Variants in DCK observed in about 807,000 individuals in gnomAD.
DCK encodes deoxyadenosine kinase.
DCK carries 23 observed loss-of-function variants against 38.3 expected under a neutral mutation model. The observed-to-expected ratio is 0.60, with a 90% CI of 0.43 to 0.85. The LOEUF is 0.85. Ranked by LOEUF, DCK falls within the 40% of genes least tolerant of loss-of-function variation. The pLI, the probability that DCK is intolerant of heterozygous loss-of-function variation, is 0.00. For missense variants in DCK, 259 were observed against 304.4 expected, an observed-to-expected ratio of 0.85 and a Z score of 1.11; for synonymous variants, 108 against 100.6, an observed-to-expected ratio of 1.07 and a Z score of -0.44.
At chr4:71,016,723 TAGCCATATGTAGAA>T (rs1740274750) in intron 2 of DCK, among the ~76,000 whole-genome samples, 2 of 152,238 alleles carry the variant, frequency 1.3e-5, no homozygotes, top group Non-Finnish European at 2.9e-5. Context: ...GAAAAATGGC[TAGCCATATGTAGAA>T]AGCTGAAACT....
In DCK at chr4:70,993,997, G is replaced by A. The variant is rs572108629; in HGVS notation, c.91+71G>A. On this transcript the variant is annotated intron_variant, in intron 1 of 6. Coordinates refer to ENST00000286648, the MANE Select transcript of DCK (RefSeq NM_000788.3). The stretch of plus-strand genomic sequence containing the variant: ...GCAGTGGCTGAAGCTTCCCTTCGCC[G>A]CATCTCTCTGCAGCAACTCGGTGAG... 118 of 1,077,906 alleles carry A rather than the reference G, an allele frequency of 1.1e-4. 1 individual carries two copies. The South Asian group carries it at 1.5e-3, about 13-fold the overall frequency. 66.8% of individuals were successfully genotyped at this position (1,077,906 alleles called of 1,614,324 possible). A position where few individuals can be genotyped will look rare whatever the true frequency, so the allele number is the denominator to read the frequency against.
At chr4:71,022,945 T>TA (rs1192234673) in intron 3 of DCK, among the ~76,000 whole-genome samples, 1 of 152,180 alleles carries the variant, frequency 6.6e-6, no homozygotes, top group Non-Finnish European at 1.5e-5. Flanking sequence ...CTACTTATGC[T>TA]AGGATTCTTT....
At chr4:71,020,894 A>G (rs1439341421) in intron 2 of DCK, among the ~76,000 whole-genome samples, 1 of 152,088 alleles carries the variant, frequency 6.6e-6, no homozygotes. Flanking sequence ...CCCCAGATTT[A>G]GAATCAGAAT....
chr4:71,012,539 A>G (rs1740129362), intron 2 of DCK, among the ~76,000 whole-genome samples: 1 of 152,144 alleles, frequency 6.6e-6, no homozygotes, highest in Admixed American at 6.5e-5. Context: ...CTGACACCTC[A>G]TACGGCTGGG....
chr4:71,008,639 A>C (rs943476975), intron 2 of DCK, among the ~76,000 whole-genome samples: 1 of 152,116 alleles, frequency 6.6e-6, no homozygotes, highest in Non-Finnish European at 1.5e-5. Context: ...ACCAGATTAA[A>C]CCAATGTTGG....
chr4:70,999,248 C>A (rs184835907), intron 2 of DCK, among the ~76,000 whole-genome samples: 1 of 152,274 alleles, frequency 6.6e-6, no homozygotes, highest in Admixed American at 6.5e-5. Flanking sequence ...TCAACTCCCA[C>A]TTACAAGTTA....
At chr4:70,996,767 G>A (rs1166095654) in intron 1 of DCK, among the ~76,000 whole-genome samples, 2 of 151,822 alleles carry the variant, frequency 1.3e-5, no homozygotes, top group Admixed American at 6.6e-5. Context: ...TTACTCAAAT[G>A]TTCCCTTATG....
chr4:71,020,570 C>A (rs1740389464), intron 2 of DCK, among the ~76,000 whole-genome samples: 1 of 152,170 alleles, frequency 6.6e-6, no homozygotes, highest in Non-Finnish European at 1.5e-5. Flanking sequence ...TCATATACCA[C>A]TTTATTACCC....
intron 2 of DCK, among the ~76,000 whole-genome samples, chr4:71,020,540 C>G (rs1398472184): frequency 6.6e-6 from 1 of 152,158 alleles, no homozygotes; most frequent in Admixed American, 6.5e-5. Flanking sequence ...TGGGATTCTT[C>G]AGGAAAGAAG....
chr4:71,015,149 AAACACCTCTAC>A (rs1740225212), intron 2 of DCK, among the ~76,000 whole-genome samples: 5 of 938 alleles, frequency 5.3e-3, no homozygotes, highest in Non-Finnish European at 4.1e-3. Context: ...ACACCTCTAC[AAACACCTCTAC>A]GCAAATAAAC....
chr4:71,023,894 G>T (rs1213205238), intron 4 of DCK, among the ~76,000 whole-genome samples, 188 bp downstream of exon 4: 1 of 152,146 alleles, frequency 6.6e-6, no homozygotes, highest in East Asian at 1.9e-4. Context: ...TGGAATCCCA[G>T]ACTGGGCAAG....
chr4:71,028,242 A>G (rs1246554338), intron 6 of DCK, among the ~76,000 whole-genome samples: 1 of 152,230 alleles, frequency 6.6e-6, no homozygotes, highest in African/African-American at 2.4e-5. Context: ...TCAGTGGTCT[A>G]TGATATTTAA....
At chr4:71,024,287 G>A (rs1295635192) in intron 4 of DCK, among the ~76,000 whole-genome samples, 1 of 152,100 alleles carries the variant, frequency 6.6e-6, no homozygotes, top group Non-Finnish European at 1.5e-5. Context: ...CATTAAGGGA[G>A]CTCACTTGAA....
At chr4:71,013,267 C>T (rs539975804) in intron 2 of DCK, among the ~76,000 whole-genome samples, 1 of 152,214 alleles carries the variant, frequency 6.6e-6, no homozygotes, top group African/African-American at 2.4e-5. Flanking sequence ...TGTGAAAAGA[C>T]CAAATCTGCG....
Position 71,030,627 on chromosome 4 carries a change from T to C in DCK, c.*1249T>C, listed in dbSNP as rs1486151398. 2 of 152,144 alleles carry C rather than the reference T, an allele frequency of 1.3e-5. No homozygotes were observed. The highest frequency in any genetic ancestry group is 2.9e-5 in the Non-Finnish European group (2 of 67,998). 9.4% of individuals were successfully genotyped at this position (152,144 alleles called of 1,614,324 possible). A position where few individuals can be genotyped will look rare whatever the true frequency, so the allele number is the denominator to read the frequency against. ...GGTATAAATTAATTTGTTAATTAAATATTTCTTAAGTATAAACCTTATGAA... is the reference window on the plus strand; with the variant it reads ...GGTATAAATTAATTTGTTAATTAAACATTTCTTAAGTATAAACCTTATGAA... On this transcript the variant is annotated 3_prime_UTR_variant, in exon 7 of 7. Coordinates refer to ENST00000286648, the MANE Select transcript of DCK (RefSeq NM_000788.3).
chr4:71,023,844 G>C, intron 4 of DCK, 138 bp downstream of exon 4: 1 of 684,416 alleles, frequency 1.5e-6, no homozygotes, highest in Non-Finnish European at 2.3e-6. Context: ...TTAGAAACTT[G>C]TAACTGTGTA....
rs781389066 is a variant in DCK at position 71,026,731 on chromosome 4, C to T, written c.732C>T (p.Asp244=). 4 of 1,551,380 alleles carry T rather than the reference C, an allele frequency of 2.6e-6. No homozygotes were observed. Among genetic ancestry groups the T allele is most frequent in the Non-Finnish European group, 3.5e-6 (4 of 1,127,812 alleles). ...LTLDVNEDFK[D]KYESLVEKVK... ...TGGATGTTAATGAAGACTTTAAAGA[C>T]AAATATGAAAGTCTGGTTGAAAAGG... The change falls in exon 6 of 7, where the codon GAC becomes GAT. Residue 244 remains aspartate, a synonymous_variant. Transcript: ENST00000286648.
chr4:71,001,769 C>T (rs1020121715), intron 2 of DCK, among the ~76,000 whole-genome samples: 7 of 152,152 alleles, frequency 4.6e-5, no homozygotes, highest in East Asian at 3.9e-4. Flanking sequence ...AGTTTATTTG[C>T]GTGGAGGTGT....
chr4:71,026,258 G>A (rs73827079), intron 5 of DCK, among the ~76,000 whole-genome samples: 64 of 152,184 alleles, frequency 4.2e-4, no homozygotes, highest in African/African-American at 1.5e-3. Context: ...TGTATAGCGT[G>A]GTTGTTGAGA....
Sources: gnomAD v4.1 joint callset for allele counts (sites outside exome capture counted in the v4.1 genomes callset) on GRCh38, gnomAD v4.1.1 for gene constraint, MANE v1.5 for transcripts, NCBI Gene and HGNC (gene_info 2026-07-23, HGNC 2026-07-21) for gene names.